EPB41L5: variants seen among roughly 807,000 people sequenced by gnomAD.
The protein encoded by EPB41L5 is erythrocyte membrane protein band 4.1 like 5.
In EPB41L5, 55 loss-of-function variants were observed where a neutral mutation model predicts 106.6. That is an observed-to-expected ratio of 0.52 (90% CI 0.42 to 0.65). The LOEUF (loss-of-function observed/expected upper bound fraction) is 0.65. Among genes scored for constraint, EPB41L5 ranks in the 30% least tolerant of loss-of-function variants. EPB41L5 has a pLI of 0.00. For synonymous variants in EPB41L5, 297 were observed against 306.7 expected (o/e 0.97, Z 0.33); for missense variants, 871 against 882.1 (o/e 0.99, Z 0.16).
chr2:120,141,222 G>A (rs1429261583), intron 18 of EPB41L5, among the ~76,000 whole-genome samples: 2 of 152,086 alleles, frequency 1.3e-5, no homozygotes, highest in African/African-American at 2.4e-5. Flanking sequence ...ATTCGCAGAC[G>A]AGTGGAATGA....
chr2:120,086,900 G>T (rs1574633770), intron 10 of EPB41L5, among the ~76,000 whole-genome samples: 4 of 151,946 alleles, frequency 2.6e-5, no homozygotes, highest in Admixed American at 2.6e-4. Context: ...CACCATAATC[G>T]AGACCTATCA....
At chr2:120,137,476 AAAAAG>A (rs1254676901) in intron 18 of EPB41L5, among the ~76,000 whole-genome samples, 2 of 152,110 alleles carry the variant, frequency 1.3e-5, no homozygotes, top group African/African-American at 2.4e-5. Context: ...CAGATTAAGA[AAAAAG>A]AGAAGACTCA....
intron 10 of EPB41L5, among the ~76,000 whole-genome samples, chr2:120,083,045 C>CA (rs1682794631): frequency 6.7e-6 from 1 of 149,838 alleles, no homozygotes; most frequent in South Asian, 2.1e-4. Flanking sequence ...TTGATCTTTT[C>CA]AAAAAACAAC....
chr2:120,126,399 C>T (rs1685461797), intron 16 of EPB41L5, among the ~76,000 whole-genome samples: 1 of 151,872 alleles, frequency 6.6e-6, no homozygotes, highest in African/African-American at 2.4e-5. Flanking sequence ...AGATTTTTTT[C>T]TTCTATATTT....
intron 18 of EPB41L5, among the ~76,000 whole-genome samples, chr2:120,135,896 A>AT (rs935113187): frequency 6.6e-6 from 1 of 152,168 alleles, no homozygotes; most frequent in Non-Finnish European, 1.5e-5. Flanking sequence ...TAATCATCTG[A>AT]TGGTACACAA....
chr2:120,148,917 T>C (rs1468976229), intron 20 of EPB41L5, among the ~76,000 whole-genome samples: 1 of 150,696 alleles, frequency 6.6e-6, no homozygotes, highest in Non-Finnish European at 1.5e-5. Context: ...TAACTCTATA[T>C]TTAACTTTCT....
intron 18 of EPB41L5, among the ~76,000 whole-genome samples, chr2:120,136,152 A>ATT (rs78827477): frequency 0.016 from 2,268 of 141,008 alleles, 49 homozygotes; most frequent in African/African-American, 0.056. Flanking sequence ...TTGCTTGTTA[A>ATT]TTTTTTTTTT....
chr2:120,034,700 A>C (rs1045510369), intron 2 of EPB41L5, among the ~76,000 whole-genome samples: 1 of 151,888 alleles, frequency 6.6e-6, no homozygotes, highest in African/African-American at 2.4e-5. Context: ...CAAAAAAAAA[A>C]CCACACACAC....
At chr2:120,143,730 T>G (rs1263457893) in intron 19 of EPB41L5, among the ~76,000 whole-genome samples, 3 of 152,198 alleles carry the variant, frequency 2.0e-5, no homozygotes, top group Non-Finnish European at 4.4e-5. Context: ...GTACAAGCCT[T>G]GAAGAGACCT....
Position 120,126,863 on chromosome 2 carries a change from G to A in EPB41L5, c.1338-825G>A, listed in dbSNP as rs565076308. On this transcript the variant is annotated intron_variant, in intron 16 of 24. Transcript: ENST00000263713. ...TACATTGAATTTACACATCAGTTTG[G>A]GGAGAAGCCATCTTCAATATTAAGT... Among the ~76,000 whole-genome samples the A allele has an allele frequency of 2.0e-5, 3 of 152,264 alleles. No individual in the cohort carries two copies. The South Asian group carries it at 6.2e-4, about 32-fold the overall frequency.
intron 2 of EPB41L5, among the ~76,000 whole-genome samples, chr2:120,041,093 T>C (rs969659933): frequency 2.6e-5 from 4 of 152,172 alleles, no homozygotes; most frequent in African/African-American, 9.6e-5. Flanking sequence ...TCAATAATTG[T>C]CTATTAATAT....
intron 1 of EPB41L5, among the ~76,000 whole-genome samples, chr2:120,016,386 C>T (rs891477096): frequency 3.3e-5 from 5 of 151,478 alleles, no homozygotes; most frequent in African/African-American, 7.3e-5. Flanking sequence ...GCCGAGATCG[C>T]GCCATTGCAC....
chr2:120,079,917 CT>C (rs1456334537), intron 10 of EPB41L5, among the ~76,000 whole-genome samples: 2 of 152,034 alleles, frequency 1.3e-5, no homozygotes, highest in Non-Finnish European at 2.9e-5. Context: ...CCATGGTTTC[CT>C]TTTTCTTTGT....
chr2:120,091,454 GATGATTC>G, intron 12 of EPB41L5, 94 bp from the exon 13 acceptor site: 1 of 753,458 alleles, frequency 1.3e-6, no homozygotes, highest in Non-Finnish European at 2.3e-6. Context: ...TGAAGTTTAG[GATGATTC>G]TTTTAAGGAG....
intron 16 of EPB41L5, among the ~76,000 whole-genome samples, chr2:120,115,489 C>T (rs548649713): frequency 2.0e-5 from 3 of 152,256 alleles, no homozygotes; most frequent in Admixed American, 6.5e-5. Context: ...ACTGCAACCT[C>T]CACCTCCTGC....
intron 2 of EPB41L5, among the ~76,000 whole-genome samples, chr2:120,023,451 A>G (rs547639213): frequency 6.6e-5 from 10 of 152,278 alleles, no homozygotes; most frequent in African/African-American, 2.4e-4. Context: ...TCGTTTCCCC[A>G]TTCCTTGTTT....
chr2:120,106,630 G>A, intron 16 of EPB41L5: 5 of 984,082 alleles, frequency 5.1e-6, no homozygotes, highest in Non-Finnish European at 6.0e-6. Context: ...ACAGTGCTTT[G>A]GCTAATTTTA....
chr2:120,067,997 C>T (rs1373986977), intron 3 of EPB41L5, among the ~76,000 whole-genome samples: 5 of 152,080 alleles, frequency 3.3e-5, no homozygotes, highest in Non-Finnish European at 7.4e-5. Flanking sequence ...GCAAGATGGC[C>T]GAATAGGAAC....
chr2:120,069,001 G>A (rs1681658926), intron 3 of EPB41L5, among the ~76,000 whole-genome samples: 2 of 151,716 alleles, frequency 1.3e-5, no homozygotes, highest in Admixed American at 6.6e-5. Context: ...GGTTGCGCAT[G>A]CCTGTAATCC....
Sources: gnomAD v4.1 joint callset for allele counts (sites outside exome capture counted in the v4.1 genomes callset) on GRCh38, gnomAD v4.1.1 for gene constraint, MANE v1.5 for transcripts, NCBI Gene and HGNC (gene_info 2026-07-23, HGNC 2026-07-21) for gene names.